MYO16: variants seen among roughly 807,000 people sequenced by gnomAD.
The protein encoded by MYO16 is myosin XVI.
A neutral mutation model predicts 205.3 loss-of-function variants in MYO16; 94 were observed. The ratio of observed to expected loss-of-function variants is 0.46; its 90% CI spans 0.39 to 0.54. MYO16 has a LOEUF of 0.54. Ranked by LOEUF, MYO16 falls within the 20% of genes least tolerant of loss-of-function variation. MYO16 has a pLI of 0.00. For synonymous variants in MYO16, 988 were observed against 954.0 expected (o/e 1.04, Z -0.66); for missense variants, 2,315 against 2,387.5 (o/e 0.97, Z 0.63).
At chr13:108,694,288 A>G (rs1465948183) in intron 2 of MYO16, among the ~76,000 whole-genome samples, 1 of 152,118 alleles carries the variant, frequency 6.6e-6, no homozygotes, top group Non-Finnish European at 1.5e-5. Flanking sequence ...AATTATTTTC[A>G]GTTTATAGCC....
intron 27 of MYO16, among the ~76,000 whole-genome samples, chr13:109,060,160 C>T (rs1887543568): frequency 6.6e-6 from 1 of 152,174 alleles, no homozygotes; most frequent in South Asian, 2.1e-4. Context: ...GATTATAAAT[C>T]ATGCTGCTAT....
At chr13:109,025,114 G>T (rs1333517151) in intron 23 of MYO16, among the ~76,000 whole-genome samples, 2 of 152,120 alleles carry the variant, frequency 1.3e-5, no homozygotes, top group African/African-American at 4.8e-5. Context: ...GACCGATGGG[G>T]TAGAATGTAT....
At chr13:108,655,191 G>A (rs1164327340) in intron 1 of MYO16, among the ~76,000 whole-genome samples, 2 of 152,164 alleles carry the variant, frequency 1.3e-5, no homozygotes, top group Admixed American at 6.5e-5. Context: ...AGAAGCATAG[G>A]AAAAAACAAA....
In MYO16 at chr13:109,022,251, A is replaced by T. The variant is rs187492204; in HGVS notation, c.2796+2340A>T. ...TATATATATGTATATATTTATATAT[A>T]CAAATATATATACATATACATATTT... On this transcript the variant is annotated intron_variant, in intron 23 of 34. Transcript: ENST00000457511. Among the ~76,000 whole-genome samples the T allele has an allele frequency of 3.6e-3, 471 of 131,680 alleles. 23 individuals are homozygous for T. The highest frequency in any genetic ancestry group is 0.014 in the African/African-American group (448 of 32,748). 86.4% of individuals were successfully genotyped at this position (131,680 alleles called of 152,430 possible). A position where few individuals can be genotyped will look rare whatever the true frequency, so the allele number is the denominator to read the frequency against.
chr13:108,654,933 T>A (rs1881176107), intron 1 of MYO16, among the ~76,000 whole-genome samples: 1 of 152,184 alleles, frequency 6.6e-6, no homozygotes, highest in East Asian at 1.9e-4. Flanking sequence ...CAGCAAAGTA[T>A]TTAAGAGGTG....
At chr13:109,137,797 A>G (rs1876851356) in intron 31 of MYO16, among the ~76,000 whole-genome samples, 1 of 152,180 alleles carries the variant, frequency 6.6e-6, no homozygotes, top group Non-Finnish European at 1.5e-5. Flanking sequence ...CATTTTGTGC[A>G]TGAAAACCCT....
chr13:109,028,987 A>AT (rs1886458334), intron 23 of MYO16, among the ~76,000 whole-genome samples: 1 of 151,616 alleles, frequency 6.6e-6, no homozygotes, highest in South Asian at 2.1e-4. Flanking sequence ...TATTGTTTAG[A>AT]TTTATGCTGT....
chr13:109,122,893 A>G (rs546785723), intron 29 of MYO16, among the ~76,000 whole-genome samples: 28 of 152,330 alleles, frequency 1.8e-4, no homozygotes, highest in Admixed American at 2.6e-4. Context: ...AAATTTATAT[A>G]ATCTGGAACC....
At chr13:108,674,085 A>G (rs377201040) in intron 2 of MYO16, among the ~76,000 whole-genome samples, 10 of 152,202 alleles carry the variant, frequency 6.6e-5, no homozygotes, top group African/African-American at 2.4e-4. Flanking sequence ...GTATTCATTG[A>G]TAGGCTGGAC....
At chr13:108,959,014 C>G (rs573059882) in intron 17 of MYO16, among the ~76,000 whole-genome samples, 1 of 152,158 alleles carries the variant, frequency 6.6e-6, no homozygotes, top group Non-Finnish European at 1.5e-5. Context: ...CCTGCCCACA[C>G]CGTTATGGCT....
intron 25 of MYO16, chr13:109,054,398 A>G: frequency 3.6e-6 from 1 of 279,084 alleles, no homozygotes; most frequent in Non-Finnish European, 7.3e-6. Context: ...CAGACCATTC[A>G]TTCATTCAAC....
At chr13:109,156,307 A>G (rs1878026426) in intron 32 of MYO16, among the ~76,000 whole-genome samples, 1 of 152,158 alleles carries the variant, frequency 6.6e-6, no homozygotes, top group South Asian at 2.1e-4. Context: ...GGAGCCTGCC[A>G]GGCACCTCTC....
intron 31 of MYO16, among the ~76,000 whole-genome samples, chr13:109,135,601 G>A (rs1303263467): frequency 6.6e-6 from 1 of 152,202 alleles, no homozygotes. Context: ...CTAGCCTGAA[G>A]TGATTCTCTT....
At chr13:108,636,361 T>TGTG (rs1266809434) in intron 1 of MYO16, among the ~76,000 whole-genome samples, 104 of 95,372 alleles carry the variant, frequency 1.1e-3, no homozygotes, top group South Asian at 2.6e-3. Context: ...TTTTTTTTTT[T>TGTG]TTTTTTTTTG....
At chr13:108,785,874 T>A in intron 5 of MYO16, 131 bp downstream of exon 5, 1 of 616,200 alleles carries the variant, frequency 1.6e-6, no homozygotes, top group Non-Finnish European at 2.8e-6. Flanking sequence ...AAGATGGTAT[T>A]TTTTCCCTTC....
At chr13:109,160,441 C>T (rs1005993493) in intron 32 of MYO16, among the ~76,000 whole-genome samples, 6 of 152,272 alleles carry the variant, frequency 3.9e-5, no homozygotes, top group Admixed American at 3.9e-4. Context: ...TCAATTCTCT[C>T]GTACCTGTAA....
intron 1 of MYO16, among the ~76,000 whole-genome samples, chr13:108,605,504 C>G (rs1408822383): frequency 6.6e-6 from 1 of 152,090 alleles, no homozygotes; most frequent in African/African-American, 2.4e-5. Context: ...GGCGGTTCCC[C>G]CATGCTGTTC....
At chr13:109,103,425 G>C (rs1042319301) in intron 28 of MYO16, among the ~76,000 whole-genome samples, 4 of 152,140 alleles carry the variant, frequency 2.6e-5, no homozygotes, top group African/African-American at 9.7e-5. Context: ...TCATCCTTTA[G>C]TCCTGAGTGG....
intron 1 of MYO16, among the ~76,000 whole-genome samples, chr13:108,633,894 C>G (rs1318088171): frequency 6.6e-6 from 1 of 152,178 alleles, no homozygotes; most frequent in African/African-American, 2.4e-5. Flanking sequence ...CCTCCATGTC[C>G]TCACTCTCCC....
Sources: allele counts gnomAD v4.1 joint callset (sites outside exome capture counted in the v4.1 genomes callset), GRCh38; gene constraint gnomAD v4.1.1; transcripts MANE v1.5; gene names NCBI Gene and HGNC (gene_info 2026-07-23, HGNC 2026-07-21).